GNAO1: variants seen among roughly 807,000 people sequenced by gnomAD.
The protein encoded by GNAO1 is G protein subunit alpha o1.
For missense variants in GNAO1, 166 were observed against 478.7 expected (o/e 0.35, Z 6.10); for synonymous variants, 164 against 180.7 (o/e 0.91, Z 0.74).
intron 2 of GNAO1, among the ~76,000 whole-genome samples, chr16:56,222,158 C>T (rs1349339944): frequency 2.6e-5 from 4 of 152,038 alleles, no homozygotes; most frequent in African/African-American, 9.7e-5. Flanking sequence ...GTGGCATGCC[C>T]CTGAGAGTCT....
intron 2 of GNAO1, among the ~76,000 whole-genome samples, chr16:56,256,909 A>G (rs567681164): frequency 6.6e-6 from 1 of 152,254 alleles, no homozygotes; most frequent in East Asian, 1.9e-4. Context: ...CAGGACGGAC[A>G]CTGCCAGTGG....
intron 2 of GNAO1, chr16:56,235,473 AT>A (rs1290436794): frequency 2.2e-6 from 1 of 452,628 alleles, no homozygotes; most frequent in Non-Finnish European, 4.4e-6. Context: ...CCTGTCTACC[AT>A]TTCCCTTTGG....
intron 6 of GNAO1, among the ~76,000 whole-genome samples, chr16:56,338,410 C>A (rs2143669322): frequency 6.6e-6 from 1 of 152,342 alleles, no homozygotes; most frequent in East Asian, 1.9e-4. Flanking sequence ...ACTGACCACC[C>A]AAAGCCCAGG....
chr16:56,229,445 T>A (rs184966390), intron 2 of GNAO1, among the ~76,000 whole-genome samples: 2 of 152,270 alleles, frequency 1.3e-5, no homozygotes, highest in Non-Finnish European at 2.9e-5. Context: ...TGACTTCAAG[T>A]GATCCACCCT....
chr16:56,323,170 A>AG (rs1202578476), intron 3 of GNAO1, among the ~76,000 whole-genome samples: 1 of 152,116 alleles, frequency 6.6e-6, no homozygotes, highest in Admixed American at 6.5e-5. Flanking sequence ...GCCCCGTGAG[A>AG]GGGGGCAAGT....
intron 2 of GNAO1, among the ~76,000 whole-genome samples, chr16:56,258,183 G>A (rs1274701783): frequency 2.0e-5 from 3 of 152,200 alleles, no homozygotes; most frequent in Non-Finnish European, 2.9e-5. Flanking sequence ...CACCATTACT[G>A]TGAAACAGAG....
At chr16:56,265,912 G>T (rs1231226455) in intron 2 of GNAO1, among the ~76,000 whole-genome samples, 1 of 152,092 alleles carries the variant, frequency 6.6e-6, no homozygotes, top group Non-Finnish European at 1.5e-5. Flanking sequence ...TCACTCACTA[G>T]GTTCAAGCCC....
intron 2 of GNAO1, among the ~76,000 whole-genome samples, chr16:56,260,028 CT>C (rs2036888620): frequency 6.6e-6 from 1 of 152,188 alleles, no homozygotes; most frequent in South Asian, 2.1e-4. Context: ...CATTAACTTT[CT>C]TATTAACCAG....
intron 3 of GNAO1, among the ~76,000 whole-genome samples, chr16:56,290,214 G>A (rs926764892): frequency 6.6e-6 from 1 of 152,100 alleles, no homozygotes; most frequent in African/African-American, 2.4e-5. Context: ...CTGACTCTCC[G>A]AATAGGCTGG....
At chr16:56,313,282 A>T (rs1359055099) in intron 3 of GNAO1, among the ~76,000 whole-genome samples, 1 of 152,162 alleles carries the variant, frequency 6.6e-6, no homozygotes, top group Non-Finnish European at 1.5e-5. Flanking sequence ...AAAAATTATC[A>T]AGGACCCCAG....
intron 3 of GNAO1, among the ~76,000 whole-genome samples, chr16:56,304,109 T>G (rs1186502483): frequency 6.6e-6 from 1 of 152,232 alleles, no homozygotes; most frequent in Non-Finnish European, 1.5e-5. Context: ...GCGCCTGGTA[T>G]AGGAGCCCAG....
At chr16:56,352,188 T>G (rs1341132569) in intron 7 of GNAO1, 1 of 152,408 alleles carries the variant, frequency 6.6e-6, no homozygotes, top group Non-Finnish European at 1.5e-5. Context: ...GCAAGCCTCC[T>G]GTATCACTGC....
chr16:56,346,689 A>C, intron 6 of GNAO1: 1 of 985,504 alleles, frequency 1.0e-6, no homozygotes, highest in Non-Finnish European at 1.2e-6. Flanking sequence ...CACAAGAACA[A>C]CACCATACCT....
chr16:56,304,593 C>CT (rs1180636363), intron 3 of GNAO1, among the ~76,000 whole-genome samples: 2 of 151,476 alleles, frequency 1.3e-5, no homozygotes, highest in South Asian at 2.1e-4. Context: ...CAGTTTACAA[C>CT]TTTTTTTTTA....
chr16:56,354,569 A>G lies in GNAO1; in HGVS notation c.878-297A>G, dbSNP rs2617842. ...CACGCGCCTGTATTACCAGCTACTC[A>G]GGAGGCTGAGGCAGGAGAATCGCTT... On this transcript the variant is annotated intron_variant, in intron 7 of 8. Transcript: ENST00000262493. This position sits in a 1 kb window ranked among gnomAD's most constrained non-coding sequence, Gnocchi z 4.3. Among the ~76,000 whole-genome samples, 103,301 of 152,040 alleles carry G rather than the reference A, an allele frequency of 0.68. 37,018 individuals are homozygous for G. Among genetic ancestry groups the G allele is most frequent in the African/African-American group, 0.92 (37,984 of 41,474 alleles).
At chr16:56,203,885 G>C (rs1213865052) in intron 2 of GNAO1, among the ~76,000 whole-genome samples, 1 of 152,224 alleles carries the variant, frequency 6.6e-6, no homozygotes, top group Non-Finnish European at 1.5e-5. Flanking sequence ...GTGAAGAGAA[G>C]TGACTGGAAA....
At chr16:56,220,574 A>T (rs1199144866) in intron 2 of GNAO1, among the ~76,000 whole-genome samples, 1 of 152,078 alleles carries the variant, frequency 6.6e-6, no homozygotes, top group African/African-American at 2.4e-5. Context: ...TTAATTTAAA[A>T]AACAAATGTT....
intron 3 of GNAO1, among the ~76,000 whole-genome samples, chr16:56,292,251 G>C (rs2037239958): frequency 6.6e-6 from 1 of 152,160 alleles, no homozygotes; most frequent in South Asian, 2.1e-4. Context: ...ATCTCCCTGT[G>C]CCCACGTGCT....
chr16:56,348,733 G>T (rs565157935), intron 6 of GNAO1, among the ~76,000 whole-genome samples: 32 of 140,364 alleles, frequency 2.3e-4, no homozygotes, highest in African/African-American at 8.8e-4. Flanking sequence ...AGTCAGGCCT[G>T]GGGGGCTGGC....
Sources: gnomAD v4.1 joint callset for allele counts (sites outside exome capture counted in the v4.1 genomes callset) on GRCh38, gnomAD v4.1.1 for gene constraint, Gnocchi (gnomAD v3.1) non-coding constraint, MANE v1.5 for transcripts, NCBI Gene and HGNC (gene_info 2026-07-23, HGNC 2026-07-21) for gene names.